Variants in GBP7 observed in about 807,000 individuals in gnomAD.
The protein encoded by GBP7 is guanylate-binding protein 7.
A neutral mutation model predicts 61.3 loss-of-function variants in GBP7; 43 were observed. That is an observed-to-expected ratio of 0.70 (90% CI 0.55 to 0.91). The LOEUF (loss-of-function observed/expected upper bound fraction) is 0.91, where lower values mean the gene tolerates loss of function less well. Among genes scored for constraint, GBP7 ranks in the 40% least tolerant of loss-of-function variants. The probability of loss-of-function intolerance (pLI) is 0.00; values close to 1 mark genes in which losing one functional copy is unlikely to be tolerated. For synonymous variants in GBP7, 267 were observed against 271.0 expected, an observed-to-expected ratio of 0.99 and a Z score of 0.14; for missense variants, 717 against 740.5, an observed-to-expected ratio of 0.97 and a Z score of 0.37.
intron 8 of GBP7, among the ~76,000 whole-genome samples, chr1:89,144,887 C>CT (rs1557455114): frequency 6.6e-6 from 1 of 152,014 alleles, no homozygotes; most frequent in Non-Finnish European, 1.5e-5. Flanking sequence ...ACTATTTCCC[C>CT]TTTCCTCCTA....
intron 9 of GBP7, among the ~76,000 whole-genome samples, chr1:89,135,677 C>G (rs138016277): frequency 1.2e-4 from 18 of 152,308 alleles, no homozygotes; most frequent in Admixed American, 8.5e-4. Context: ...CTGCCTTACT[C>G]AAGCTGCTGA....
intron 9 of GBP7, among the ~76,000 whole-genome samples, chr1:89,138,694 G>C (rs772337962): frequency 6.6e-6 from 1 of 152,080 alleles, no homozygotes; most frequent in Non-Finnish European, 1.5e-5. Context: ...ATGAGTTAAA[G>C]ATGTAAATGT....
intron 3 of GBP7, among the ~76,000 whole-genome samples, chr1:89,163,707 G>T (rs1428193546): frequency 6.6e-6 from 1 of 151,966 alleles, no homozygotes; most frequent in Non-Finnish European, 1.5e-5. Flanking sequence ...TCTAGAATTA[G>T]CCAATTTGCA....
chr1:89,133,390 C>T lies in GBP7; in HGVS notation c.1530G>A (p.Lys510=). The change falls in exon 10 of 11, where the codon AAG becomes AAA. Residue 510 remains lysine (K), a synonymous_variant. Transcript: ENST00000294671. Reference sequence around the variant, plus strand: ...GAGCCTCCATCATTTGCTGCTGTTCCTTCTGTTTTTGTCTTAGCAGCTCCT... The same window carrying T: ...GAGCCTCCATCATTTGCTGCTGTTCTTTCTGTTTTTGTCTTAGCAGCTCCT... ...KEQELLRQKQ[K]EQQQMMEAQE... 6.2e-7 allele frequency: 1 copy of T among 1,614,010 alleles called. No individual in the cohort carries two copies. Among genetic ancestry groups the T allele is most frequent in the Non-Finnish European group, 8.5e-7 (1 of 1,179,982 alleles).
chr1:89,175,478 A>C (rs1365043118), intron 1 of GBP7, among the ~76,000 whole-genome samples: 2 of 152,184 alleles, frequency 1.3e-5, no homozygotes, highest in African/African-American at 2.4e-5. Context: ...CATAGGAATC[A>C]ATCAGTCACC....
intron 9 of GBP7, among the ~76,000 whole-genome samples, chr1:89,136,571 C>A (rs1681807341): frequency 6.6e-6 from 1 of 152,036 alleles, no homozygotes; most frequent in South Asian, 2.1e-4. Flanking sequence ...TTGGGGTAAA[C>A]AGTGAATTTA....
chr1:89,133,369 C>T lies in GBP7; in HGVS notation c.1551G>A (p.Glu517=). The T allele has an allele frequency of 6.2e-7, 1 of 1,614,074 alleles. No homozygotes were observed. The highest frequency in any genetic ancestry group is 8.5e-7 in the Non-Finnish European group (1 of 1,179,996). ...TTTCCTGGAAACTTCTCTCTTGAGC[C>T]TCCATCATTTGCTGCTGTTCCTTCT... ...QKQKEQQQMM[E]AQERSFQENI... The change falls in exon 10 of 11, where the codon GAG becomes GAA. Residue 517 remains glutamate, a synonymous_variant. Transcript: ENST00000294671.
At chr1:89,166,247 G>A (rs764069541) in intron 2 of GBP7, among the ~76,000 whole-genome samples, 1 of 152,192 alleles carries the variant, frequency 6.6e-6, no homozygotes, top group Non-Finnish European at 1.5e-5. Context: ...TCTTCATGTA[G>A]TGATTCTTTT....
chr1:89,158,059 A>AT (rs1415363878), intron 3 of GBP7, among the ~76,000 whole-genome samples: 1 of 152,236 alleles, frequency 6.6e-6, no homozygotes, highest in African/African-American at 2.4e-5. Context: ...GGTTCAACAC[A>AT]TGCAAATCAA....
chr1:89,161,647 C>G lies in GBP7; in HGVS notation c.318+3084G>C, dbSNP rs553660890. On this transcript the variant is annotated intron_variant, in intron 3 of 10. Transcript: ENST00000294671. ...TTTTTTGTGTGTGTGAATTTGTTTACGTTCCTTATAGATGCTGGATATTAG... is the reference window on the plus strand; with the variant it reads ...TTTTTTGTGTGTGTGAATTTGTTTAGGTTCCTTATAGATGCTGGATATTAG... 4.0e-5 allele frequency among the ~76,000 whole-genome samples: 6 copies of G among 151,812 alleles called. No individual in the cohort carries two copies. In the East Asian group the frequency reaches 1.2e-3, roughly 29 times the overall value.
At chr1:89,164,218 C>G (rs193249172) in intron 3 of GBP7, among the ~76,000 whole-genome samples, 2 of 152,308 alleles carry the variant, frequency 1.3e-5, no homozygotes, top group Admixed American at 1.3e-4. Context: ...CAGTGAAACT[C>G]TATTTTCCTG....
chr1:89,153,312 A>G (rs1361378375), intron 3 of GBP7, among the ~76,000 whole-genome samples: 4 of 152,214 alleles, frequency 2.6e-5, no homozygotes, highest in Non-Finnish European at 5.9e-5. Context: ...ATAGTAGGGC[A>G]TGTAATATGA....
chr1:89,154,418 A>G (rs997144068), intron 3 of GBP7, among the ~76,000 whole-genome samples: 10 of 152,190 alleles, frequency 6.6e-5, no homozygotes, highest in African/African-American at 2.2e-4. Context: ...CAATGGTGCA[A>G]ACACTACAAC....
chr1:89,159,264 G>C (rs577568900), intron 3 of GBP7, among the ~76,000 whole-genome samples: 18 of 152,234 alleles, frequency 1.2e-4, no homozygotes, highest in African/African-American at 3.9e-4. Flanking sequence ...AACCCTAGAA[G>C]AAAACCTAGG....
chr1:89,165,510 G>GA (rs377460369), intron 2 of GBP7, among the ~76,000 whole-genome samples: 2,956 of 110,730 alleles, frequency 0.027, 100 homozygotes, highest in African/African-American at 0.095. Flanking sequence ...CAAAAAAAAA[G>GA]AAAAAAAAAA....
At chr1:89,154,378 G>C (rs1343912996) in intron 3 of GBP7, among the ~76,000 whole-genome samples, 1 of 151,948 alleles carries the variant, frequency 6.6e-6, no homozygotes, top group Non-Finnish European at 1.5e-5. Flanking sequence ...TTTTGAGATG[G>C]AGACTTGCTC....
chr1:89,148,082 A>G (rs1200353448), intron 7 of GBP7, among the ~76,000 whole-genome samples: 1 of 152,224 alleles, frequency 6.6e-6, no homozygotes, highest in African/African-American at 2.4e-5. Context: ...ACAGATTGCT[A>G]TGGATAAAAT....
chr1:89,132,272 A>G lies in GBP7; in HGVS notation c.1794T>C (p.Asp598=), dbSNP rs1003120901. The G allele has an allele frequency of 6.2e-7, 1 of 1,614,090 alleles. No homozygotes were observed. Among genetic ancestry groups the G allele is most frequent in the South Asian group, 1.1e-5 (1 of 91,082 alleles). Residue 598 remains aspartate, a synonymous_variant, in exon 11 of 11, where the codon GAT becomes GAC. Transcript: ENST00000294671. ...CTGCAATAAATATACTGCCAGCCAC[A>G]TCAAGAATCTGTGAAAACACTGAGG... The part of the protein sequence containing the change: ...EEPSVFSQIL[D]VAGSIFIAAL...
chr1:89,137,561 C>T (rs1355778274), intron 9 of GBP7, among the ~76,000 whole-genome samples: 2 of 148,644 alleles, frequency 1.3e-5, no homozygotes, highest in Non-Finnish European at 2.9e-5. Flanking sequence ...ACCAGATGAT[C>T]TTCTCAATGG....
Sources: allele counts gnomAD v4.1 joint callset (sites outside exome capture counted in the v4.1 genomes callset), GRCh38; gene constraint gnomAD v4.1.1; transcripts MANE v1.5; gene names NCBI Gene and HGNC (gene_info 2026-07-23, HGNC 2026-07-21).